The following TADA2A variants were observed in gnomAD, a reference collection of about 807,000 sequenced individuals.
TADA2A encodes the protein transcriptional adaptor 2A.
Under a neutral mutation model 67.4 loss-of-function variants are expected in TADA2A, and 38 were observed. The observed-to-expected ratio is 0.56, with a 90% CI of 0.44 to 0.74. The LOEUF is 0.74. TADA2A is among the 30% of genes least tolerant of loss of function. TADA2A has a pLI of 0.00. For synonymous variants in TADA2A, 192 were observed against 181.6 expected (o/e 1.06, Z -0.46); for missense variants, 454 against 547.0 (o/e 0.83, Z 1.70).
At chr17:37,463,571 C>T (rs1330746070) in intron 10 of TADA2A, among the ~76,000 whole-genome samples, 1 of 151,920 alleles carries the variant, frequency 6.6e-6, no homozygotes, top group Non-Finnish European at 1.5e-5. Context: ...TGTCACTGCA[C>T]TCCAGCCTGG....
At chr17:37,460,247 T>A (rs1242411746) in intron 9 of TADA2A, among the ~76,000 whole-genome samples, 1 of 151,368 alleles carries the variant, frequency 6.6e-6, no homozygotes, top group East Asian at 2.0e-4. Flanking sequence ...TTATTTTTTA[T>A]TTTATTATTA....
chr17:37,442,499 A>G (rs879943888), intron 6 of TADA2A, 65 bp from the exon 7 acceptor site: 3 of 1,218,698 alleles, frequency 2.5e-6, no homozygotes, highest in Non-Finnish European at 3.6e-6. Context: ...TTCTTGGACT[A>G]TTATGTCATT....
At chr17:37,433,649 C>T (rs2052636066) in intron 4 of TADA2A, among the ~76,000 whole-genome samples, 2 of 151,056 alleles carry the variant, frequency 1.3e-5, no homozygotes, top group South Asian at 4.2e-4. Context: ...ACCCACAAGA[C>T]CCCGTCTCAA....
At chr17:37,407,135 C>T in intron 1 of TADA2A, 186 bp downstream of exon 1, 1 of 144,444 alleles carries the variant, frequency 6.9e-6, no homozygotes, top group South Asian at 2.1e-4. Context: ...CGGGCCTCGC[C>T]GCTCTGTGGG....
intron 9 of TADA2A, 50 bp downstream of exon 9, chr17:37,458,637 T>TTTTGTGTGTGTGTG (rs1230849870): frequency 1.6e-5 from 16 of 981,466 alleles, no homozygotes; most frequent in Admixed American, 4.2e-5. Flanking sequence ...GATTATTGTT[T>TTTTGTGTGTGTGTG]TGTGTGTGTG....
At chr17:37,419,289 C>T (rs1488013371) in intron 2 of TADA2A, among the ~76,000 whole-genome samples, 2 of 144,822 alleles carry the variant, frequency 1.4e-5, no homozygotes, top group Non-Finnish European at 3.1e-5. Flanking sequence ...TACTTCAGGC[C>T]TCCGTATAGC....
chr17:37,455,295 C>G (rs1379935940), intron 8 of TADA2A, among the ~76,000 whole-genome samples: 1 of 147,904 alleles, frequency 6.8e-6, no homozygotes, highest in Non-Finnish European at 1.5e-5. Context: ...TTTCTTAACC[C>G]TAGAGGTCTT....
At chr17:37,464,873 G>A (rs1445181030) in intron 10 of TADA2A, among the ~76,000 whole-genome samples, 14 of 147,704 alleles carry the variant, frequency 9.5e-5, no homozygotes, top group African/African-American at 3.0e-4. Flanking sequence ...GTGGCTGGGC[G>A]CGGTGGCTCA....
At position 37,467,582 on chromosome 17, in the gene TADA2A, G is replaced by C. The variant is rs936123307; in HGVS notation, c.895+57G>C. On this transcript the variant is annotated intron_variant, in intron 12 of 15. Transcript: ENST00000615182. The stretch of plus-strand genomic sequence containing the variant: ...AGGGCAAGTATCTTCCAGACACACA[G>C]AGGAAGTCTCTGAATTGTTGTGAAT... The C allele has an allele frequency of 2.1e-6, 3 of 1,397,932 alleles. No individual in the cohort carries two copies. The African/African-American group carries it at 4.3e-5, about 20-fold the overall frequency. The allele number at this position is 1,397,932 out of a possible 1,614,324, so 86.6% of individuals were successfully genotyped here.
chr17:37,440,381 T>C, intron 5 of TADA2A, 124 bp from the exon 6 acceptor site: 4 of 1,129,588 alleles, frequency 3.5e-6, no homozygotes, highest in South Asian at 1.8e-5. Context: ...CTTTTTGATA[T>C]CAATTTGGAA....
At chr17:37,411,977 G>A (rs972950905) in intron 2 of TADA2A, among the ~76,000 whole-genome samples, 6 of 151,464 alleles carry the variant, frequency 4.0e-5, no homozygotes, top group South Asian at 4.2e-4. Context: ...TTGGGAGGCC[G>A]AGGCAGGCAG....
At chr17:37,444,895 T>C (rs1035307340) in intron 8 of TADA2A, 127 bp downstream of exon 8, 18 of 863,690 alleles carry the variant, frequency 2.1e-5, no homozygotes, top group Non-Finnish European at 3.1e-5. Context: ...ATCTAGTGGT[T>C]AAGTTGCTGA....
intron 15 of TADA2A, among the ~76,000 whole-genome samples, chr17:37,475,839 C>T (rs1175063113): frequency 1.3e-5 from 2 of 152,182 alleles, no homozygotes; most frequent in Non-Finnish European, 2.9e-5. Flanking sequence ...TTATCTGTTT[C>T]TAAAATTTAA....
chr17:37,429,372 C>T (rs2052505666), intron 4 of TADA2A, among the ~76,000 whole-genome samples: 1 of 152,012 alleles, frequency 6.6e-6, no homozygotes, highest in Non-Finnish European at 1.5e-5. Flanking sequence ...AGCAGTACCT[C>T]GCTAGTGTTT....
chr17:37,411,993 G>C (rs1479346306), intron 2 of TADA2A, among the ~76,000 whole-genome samples: 1 of 151,306 alleles, frequency 6.6e-6, no homozygotes, highest in Non-Finnish European at 1.5e-5. Context: ...GGCAGATCAC[G>C]AGATCAGGAG....
chr17:37,440,720 G>A, intron 6 of TADA2A, 58 bp downstream of exon 6: 1 of 1,590,450 alleles, frequency 6.3e-7, no homozygotes, highest in South Asian at 1.1e-5. Flanking sequence ...CCCTGTTTCA[G>A]TAGCAGATAA....
chr17:37,458,601 A>T lies in TADA2A; in HGVS notation c.668+14A>T. 1.2e-6 allele frequency: 2 copies of T among 1,610,232 alleles called. No individual in the cohort carries two copies. Among genetic ancestry groups the T allele is most frequent in the East Asian group, 2.2e-5 (1 of 44,822 alleles). Reference sequence around the variant, plus strand: ...AAGACGAAAAAAGTAAGTATAAAAAACCATCCTGGCCTCCTTTCAGCTTTG... The same window carrying T: ...AAGACGAAAAAAGTAAGTATAAAAATCCATCCTGGCCTCCTTTCAGCTTTG... On this transcript the variant is annotated intron_variant, in intron 9 of 15. Transcript: ENST00000615182.
chr17:37,461,344 T>C (rs2053542770), intron 9 of TADA2A, among the ~76,000 whole-genome samples: 1 of 152,192 alleles, frequency 6.6e-6, no homozygotes, highest in South Asian at 2.1e-4. Context: ...TGGGAACTCC[T>C]GATCTAAAGT....
chr17:37,422,481 G>GATGATTATT (rs1296355161), intron 2 of TADA2A, among the ~76,000 whole-genome samples: 14 of 136,988 alleles, frequency 1.0e-4, no homozygotes, highest in African/African-American at 2.2e-4. Flanking sequence ...ATGCCCAGCT[G>GATGATTATT]ATTATTATTA....
Sources: gnomAD v4.1 joint callset for allele counts (sites outside exome capture counted in the v4.1 genomes callset) on GRCh38, gnomAD v4.1.1 for gene constraint, MANE v1.5 for transcripts, NCBI Gene and HGNC (gene_info 2026-07-23, HGNC 2026-07-21) for gene names.